Variants in CHCHD6 observed in about 807,000 individuals in gnomAD.
CHCHD6 encodes MICOS complex subunit MIC25.
In CHCHD6, 28 loss-of-function variants were observed where a neutral mutation model predicts 32.3. The ratio of observed to expected loss-of-function variants is 0.87; its 90% CI spans 0.64 to 1.19. The LOEUF is 1.19. Among genes scored for constraint, CHCHD6 ranks in the 50% most tolerant of loss-of-function variants. The pLI is 0.00. For missense variants in CHCHD6, 333 were observed against 307.0 expected (o/e 1.08, Z -0.63); for synonymous variants, 122 against 117.5 (o/e 1.04, Z -0.25).
intron 1 of CHCHD6, among the ~76,000 whole-genome samples, chr3:126,724,997 G>A (rs899526588): frequency 2.0e-5 from 3 of 152,176 alleles, no homozygotes; most frequent in African/African-American, 7.2e-5. Context: ...ACCCCTCAGA[G>A]TCATCCATGA....
intron 4 of CHCHD6, among the ~76,000 whole-genome samples, chr3:126,748,588 A>G (rs926022256): frequency 4.7e-5 from 7 of 148,096 alleles, no homozygotes; most frequent in African/African-American, 1.5e-4. Context: ...GAGTGAGACT[A>G]CATCTCCAAA....
At chr3:126,807,899 T>C (rs534264676) in intron 4 of CHCHD6, among the ~76,000 whole-genome samples, 79 of 152,352 alleles carry the variant, frequency 5.2e-4, no homozygotes, top group African/African-American at 1.7e-3. Context: ...TTTGCCATTG[T>C]AGCACAAGAG....
chr3:126,919,369 A>C (rs1035736730), intron 6 of CHCHD6, among the ~76,000 whole-genome samples: 3 of 143,334 alleles, frequency 2.1e-5, no homozygotes, highest in African/African-American at 7.8e-5. Context: ...GCTGCAGTAC[A>C]GTAACATGAT....
chr3:126,813,759 G>T lies in CHCHD6; in HGVS notation c.412-38888G>T, dbSNP rs146521340. On this transcript the variant is annotated intron_variant, in intron 4 of 7. Coordinates refer to ENST00000290913, the MANE Select transcript of CHCHD6 (RefSeq NM_032343.3). ...CCCTCACCTGTTTCTTTGCTTACTA[G>T]CAGTAATTCTAGCCCTTTGCCAGTC... Among the ~76,000 whole-genome samples the T allele has an allele frequency of 4.6e-5, 7 of 152,314 alleles. No individual in the cohort carries two copies. In the East Asian group the frequency reaches 1.3e-3, roughly 29 times the overall value.
intron 5 of CHCHD6, among the ~76,000 whole-genome samples, chr3:126,884,852 A>G (rs1391812631): frequency 3.3e-5 from 5 of 152,230 alleles, no homozygotes; most frequent in Non-Finnish European, 5.9e-5. Flanking sequence ...AGATTATTGG[A>G]AAGTCACCAT....
chr3:126,751,394 G>A (rs893672103), intron 4 of CHCHD6, among the ~76,000 whole-genome samples: 3 of 151,670 alleles, frequency 2.0e-5, no homozygotes, highest in African/African-American at 7.3e-5. Context: ...CCCAGCTACT[G>A]GGGAAGCTGA....
chr3:126,820,110 T>C lies in CHCHD6; in HGVS notation c.412-32537T>C, dbSNP rs60411302. ...TGTCCCATGCCATGACCTATTTTTT[T>C]CCAGGAAACTGCCCATCTCCACTAG... On this transcript the variant is annotated intron_variant, in intron 4 of 7. Transcript: ENST00000290913. 3.2e-3 allele frequency among the ~76,000 whole-genome samples: 489 copies of C among 152,352 alleles called. 3 individuals carry two copies. Among genetic ancestry groups the C allele is most frequent in the African/African-American group, 0.011 (446 of 41,584 alleles).
At chr3:126,939,622 G>C (rs2078531150) in intron 6 of CHCHD6, among the ~76,000 whole-genome samples, 1 of 152,224 alleles carries the variant, frequency 6.6e-6, no homozygotes, top group Admixed American at 6.5e-5. Context: ...TTGTGACAGT[G>C]TGGAAAACAG....
Position 126,768,419 on chromosome 3 carries a change from G to A in CHCHD6, c.411+35197G>A, listed in dbSNP as rs919344923. 3.3e-5 allele frequency among the ~76,000 whole-genome samples: 5 copies of A among 152,170 alleles called. No individual in the cohort carries two copies. In the South Asian group the frequency reaches 1.0e-3, roughly 32 times the overall value. The stretch of plus-strand genomic sequence containing the variant: ...CACAGGAAGAACTTGTTCTTCTTGT[G>A]TACCTTTTCATCCTGTGCAGCAGAA... On this transcript the variant is annotated intron_variant, in intron 4 of 7. Transcript: ENST00000290913.
intron 4 of CHCHD6, among the ~76,000 whole-genome samples, chr3:126,751,855 A>G (rs1462033469): frequency 6.6e-6 from 1 of 152,194 alleles, no homozygotes. Context: ...GGACAAGCTT[A>G]GAGCAGCACC....
At chr3:126,870,933 G>A (rs182341425) in intron 5 of CHCHD6, among the ~76,000 whole-genome samples, 2 of 152,204 alleles carry the variant, frequency 1.3e-5, no homozygotes, top group African/African-American at 4.8e-5. Context: ...TCTTGTCTTG[G>A]GCATCTTCCC....
chr3:126,743,703 G>A (rs889526365), intron 4 of CHCHD6, among the ~76,000 whole-genome samples: 5 of 152,174 alleles, frequency 3.3e-5, no homozygotes, highest in African/African-American at 9.7e-5. Context: ...GAGCAGCAGG[G>A]TTCCTTGAAA....
At chr3:126,913,452 C>G (rs1183995208) in intron 5 of CHCHD6, among the ~76,000 whole-genome samples, 1 of 151,716 alleles carries the variant, frequency 6.6e-6, no homozygotes, top group Admixed American at 6.6e-5. Flanking sequence ...CCAGGCTGAT[C>G]TTGAACTCCT....
Position 126,766,296 on chromosome 3 carries a change from A to T in CHCHD6, c.411+33074A>T, listed in dbSNP as rs1937368272. 7.2e-5 allele frequency: 24 copies of T among 334,268 alleles called. No homozygotes were observed. In the South Asian group the frequency reaches 7.4e-4, roughly 10 times the overall value. The allele number at this position is 334,268 out of a possible 1,614,324, so 20.7% of individuals were successfully genotyped here. A position where few individuals can be genotyped will look rare whatever the true frequency, so the allele number is the denominator to read the frequency against. ...AATATTGGATCACTTGTAAAATGGA[A>T]TCTTATGGAGTCTAAACAAAAATGC... On this transcript the variant is annotated intron_variant, in intron 4 of 7. Coordinates refer to ENST00000290913, the MANE Select transcript of CHCHD6 (RefSeq NM_032343.3).
chr3:126,751,541 A>G (rs967910778), intron 4 of CHCHD6, among the ~76,000 whole-genome samples: 14 of 149,684 alleles, frequency 9.4e-5, no homozygotes, highest in Admixed American at 3.3e-4. Flanking sequence ...GCATTGCCCT[A>G]ACTTGATTTT....
At chr3:126,839,555 G>T (rs1179818999) in intron 4 of CHCHD6, among the ~76,000 whole-genome samples, 1 of 151,986 alleles carries the variant, frequency 6.6e-6, no homozygotes, top group South Asian at 2.1e-4. Flanking sequence ...GCCGGAACCT[G>T]GAGGGATCAT....
chr3:126,940,478 G>A (rs1038193213), intron 6 of CHCHD6, among the ~76,000 whole-genome samples: 6 of 152,080 alleles, frequency 3.9e-5, no homozygotes, highest in Admixed American at 1.3e-4. Context: ...GGTTTTCTAC[G>A]TTTTATCAAT....
chr3:126,889,453 C>T (rs2077725351), intron 5 of CHCHD6, among the ~76,000 whole-genome samples: 1 of 152,192 alleles, frequency 6.6e-6, no homozygotes, highest in Non-Finnish European at 1.5e-5. Flanking sequence ...CTGGGCTTGG[C>T]AGTCCAGCAA....
At chr3:126,786,003 G>T (rs1376259415) in intron 4 of CHCHD6, among the ~76,000 whole-genome samples, 1 of 152,116 alleles carries the variant, frequency 6.6e-6, no homozygotes, top group Non-Finnish European at 1.5e-5. Flanking sequence ...ACAGGCCCCA[G>T]TGTGTGATGT....
Sources: allele counts gnomAD v4.1 joint callset (sites outside exome capture counted in the v4.1 genomes callset), GRCh38; gene constraint gnomAD v4.1.1; transcripts MANE v1.5; gene names NCBI Gene and HGNC (gene_info 2026-07-23, HGNC 2026-07-21).